GJA9: variants seen among roughly 807,000 people sequenced by gnomAD.
GJA9 encodes the protein gap junction alpha-9 protein.
In GJA9, 1 loss-of-function variant was observed where a neutral mutation model predicts 0.4. The ratio of observed to expected loss-of-function variants is 2.50; its 90% CI spans 0.89 to 11.88. The LOEUF (loss-of-function observed/expected upper bound fraction) is 11.88, where lower values mean the gene tolerates loss of function less well. GJA9 is among the 30% of genes most tolerant of loss of function. The probability of loss-of-function intolerance (pLI) is 0.12; values close to 1 mark genes in which losing one functional copy is unlikely to be tolerated. For missense variants in GJA9, 550 were observed against 602.8 expected (o/e 0.91, Z 0.92); for synonymous variants, 190 against 219.1 (o/e 0.87, Z 1.17).
Position 38,874,365 on chromosome 1 carries a change from C to A in GJA9, c.*186G>T. ...AAATCCTGATTTGACAACTCTATGT[C>A]TTTGAATTTAGAAGTGTTGCTTCAC... On this transcript the variant is annotated 3_prime_UTR_variant, in exon 2 of 2. Coordinates refer to ENST00000357771, the MANE Select transcript of GJA9 (RefSeq NM_030772.5). 1.8e-6 allele frequency: 1 copy of A among 542,522 alleles called. No individual in the cohort carries two copies. Among genetic ancestry groups the A allele is most frequent in the South Asian group, 2.7e-5 (1 of 37,338 alleles). The allele number at this position is 542,522 out of a possible 1,614,324, so 33.6% of individuals were successfully genotyped here.
At position 38,880,917 on chromosome 1, in the gene GJA9, G is replaced by A. The variant is rs543868546; in HGVS notation, c.-96+515C>T. 8.5e-4 allele frequency among the ~76,000 whole-genome samples: 129 copies of A among 152,196 alleles called. 2 individuals are homozygous for A. The highest frequency in any genetic ancestry group is 1.9e-3 in the South Asian group (9 of 4,820). The stretch of plus-strand genomic sequence containing the variant: ...ATAAAATAATAATACAAGAAAAACT[G>A]GTTAAATAATCGACTACATCCACGG... On this transcript the variant is annotated intron_variant, in intron 1 of 1. Transcript: ENST00000357771.
chr1:38,874,206 A>G lies in GJA9; in HGVS notation c.*345T>C, dbSNP rs1272269969. ...AACCCAGTGTCCAAGGTGGAATTGT[A>G]TAGATCAAGAACCATTTCCTAAGGC... On this transcript the variant is annotated 3_prime_UTR_variant, in exon 2 of 2. Coordinates refer to ENST00000357771, the MANE Select transcript of GJA9 (RefSeq NM_030772.5). The G allele has an allele frequency of 5.8e-6, 2 of 345,838 alleles. No individual in the cohort carries two copies. Among genetic ancestry groups the G allele is most frequent in the Non-Finnish European group, 1.1e-5 (2 of 181,844 alleles). The allele number at this position is 345,838 out of a possible 1,614,324, so 21.4% of individuals were successfully genotyped here.
Position 38,876,443 on chromosome 1 carries a change from T to A in GJA9, c.-95-250A>T, listed in dbSNP as rs1176214853. The A allele has an allele frequency of 4.9e-4, 95 of 195,698 alleles. No individual in the cohort carries two copies. In the Admixed American group the frequency reaches 5.2e-3, roughly 11 times the overall value. The allele number at this position is 195,698 out of a possible 1,614,324, so 12.1% of individuals were successfully genotyped here. On this transcript the variant is annotated intron_variant, in intron 1 of 1. Coordinates refer to ENST00000357771, the MANE Select transcript of GJA9 (RefSeq NM_030772.5). ...GGTGTGTGCAACTACACCCAGATAA[T>A]TTTTTTTATTTTTTTGTAGAGACAG...
rs552879261 is a variant in GJA9 at position 38,877,842 on chromosome 1, G to A, written c.-95-1649C>T. 3.9e-5 allele frequency among the ~76,000 whole-genome samples: 6 copies of A among 152,206 alleles called. No individual in the cohort carries two copies. In the South Asian group the frequency reaches 6.2e-4, roughly 16 times the overall value. On this transcript the variant is annotated intron_variant, in intron 1 of 1. Coordinates refer to ENST00000357771, the MANE Select transcript of GJA9 (RefSeq NM_030772.5). ...ATCTCATTTATACACATAGGAAAAC[G>A]AATATGCTTCATTTGATAATTCAGT...
At chr1:38,881,293 C>A in intron 1 of GJA9, 139 bp downstream of exon 1, 1 of 498,488 alleles carries the variant, frequency 2.0e-6, no homozygotes, top group East Asian at 3.2e-5. Context: ...TAGTATTTAG[C>A]TACAAATTAA....
Position 38,875,203 on chromosome 1 carries a change from C to G in GJA9, c.896G>C (p.Ser299Thr). The G allele has an allele frequency of 6.2e-7, 1 of 1,614,106 alleles. No individual in the cohort carries two copies. The highest frequency in any genetic ancestry group is 8.5e-7 in the Non-Finnish European group (1 of 1,180,000). The change falls in exon 2 of 2, where the codon AGT (serine) becomes ACT (threonine). Residue 299 changes from serine to threonine, a missense_variant. Physicochemically the swap from Ser to Thr is moderately conservative, Grantham distance 58 (BLOSUM62 1). Coordinates refer to ENST00000357771, the MANE Select transcript of GJA9 (RefSeq NM_030772.5). ...EKQTHTAVYP[S>T]LNSSSVFQPN... ...CTGGAATACAGAAGATGAATTTAAA[C>G]TAGGGTACACTGCAGTGTGTGTTTG...
intron 1 of GJA9, among the ~76,000 whole-genome samples, chr1:38,879,382 A>G (rs2124282871): frequency 6.6e-6 from 1 of 152,318 alleles, no homozygotes; most frequent in Middle Eastern, 3.4e-3. Context: ...AAGATACAAG[A>G]TGTGTTCATC....
rs151170314 is a variant in GJA9, at chr1:38,879,517, T to C, written c.-96+1915A>G. ...CATTCAAACCCAATCATTGTGGCTT[T>C]AGAGTCAGCTCCTTAAATTTTTTAC... On this transcript the variant is annotated intron_variant, in intron 1 of 1. Transcript: ENST00000357771. Among the ~76,000 whole-genome samples, 415 of 152,352 alleles carry C rather than the reference T, an allele frequency of 2.7e-3. 2 individuals are homozygous for C. The highest frequency in any genetic ancestry group is 9.2e-3 in the African/African-American group (383 of 41,582).
chr1:38,878,730 C>CT (rs1240029430), intron 1 of GJA9, among the ~76,000 whole-genome samples: 18,002 of 103,422 alleles, frequency 0.17, 2,356 homozygotes, highest in Non-Finnish European at 0.21. Flanking sequence ...GTACCAGAAT[C>CT]TTTTTTTTTT....
chr1:38,874,457 T>C lies in GJA9; in HGVS notation c.*94A>G. ...TGCAGTTGTCTGTCTTAACAGCTGG[T>C]CTTTAGAGCTGCCCCTATCTATTTT... On this transcript the variant is annotated 3_prime_UTR_variant, in exon 2 of 2. Transcript: ENST00000357771. 1 of 901,912 alleles carries C rather than the reference T, an allele frequency of 1.1e-6. No homozygotes were observed. The highest frequency in any genetic ancestry group is 1.7e-6 in the Non-Finnish European group (1 of 580,856). 55.9% of individuals were successfully genotyped at this position (901,912 alleles called of 1,614,324 possible).
At position 38,874,433 on chromosome 1, in the gene GJA9, G is replaced by T; in HGVS notation, c.*118C>A. The T allele has an allele frequency of 1.5e-6, 1 of 689,024 alleles. No individual in the cohort carries two copies. The highest frequency in any genetic ancestry group is 2.5e-6 in the Non-Finnish European group (1 of 407,580). 42.7% of individuals were successfully genotyped at this position (689,024 alleles called of 1,614,324 possible). A position where few individuals can be genotyped will look rare whatever the true frequency, so the allele number is the denominator to read the frequency against. ...GTTTTTCTCTTGCTTAAATGAGTTT[G>T]CAGTTGTCTGTCTTAACAGCTGGTC... On this transcript the variant is annotated 3_prime_UTR_variant, in exon 2 of 2. Coordinates refer to ENST00000357771, the MANE Select transcript of GJA9 (RefSeq NM_030772.5).
Position 38,875,220 on chromosome 1 carries a change from G to C in GJA9, c.879C>G (p.His293Gln), listed in dbSNP as rs1340428726. The C allele has an allele frequency of 6.2e-7, 1 of 1,614,046 alleles. No homozygotes were observed. The highest frequency in any genetic ancestry group is 1.3e-5 in the African/African-American group (1 of 74,940). Residue 293 changes from histidine (H) to glutamine (Q), a missense_variant, in exon 2 of 2, where the codon CAC (histidine) becomes CAG (glutamine). Coordinates refer to ENST00000357771, the MANE Select transcript of GJA9 (RefSeq NM_030772.5). Reference sequence around the variant, plus strand: ...AATTTAAACTAGGGTACACTGCAGTGTGTGTTTGCTTTTCCACTAACAGAT... The same window carrying C: ...AATTTAAACTAGGGTACACTGCAGTCTGTGTTTGCTTTTCCACTAACAGAT... ...DYNLLVEKQT[H>Q]TAVYPSLNSS... is the part of the protein sequence containing the mutation.
At chr1:38,877,557 C>T (rs574233023) in intron 1 of GJA9, among the ~76,000 whole-genome samples, 79 of 151,810 alleles carry the variant, frequency 5.2e-4, no homozygotes, top group Non-Finnish European at 9.6e-4. Flanking sequence ...AGTGCAGTGG[C>T]GCAATCTCGG....
At position 38,874,865 on chromosome 1, in the gene GJA9, G is replaced by A; in HGVS notation, c.1234C>T (p.Pro412Ser). The A allele has an allele frequency of 6.2e-7, 1 of 1,614,190 alleles. No homozygotes were observed. Among genetic ancestry groups the A allele is most frequent in the East Asian group, 2.2e-5 (1 of 44,892 alleles). The change falls in exon 2 of 2, where the codon CCA (proline) becomes TCA (serine). Residue 412 changes from proline to serine, a missense_variant. By Grantham distance (74) the Pro-to-Ser change is moderately conservative (BLOSUM62 -1). Coordinates refer to ENST00000357771, the MANE Select transcript of GJA9 (RefSeq NM_030772.5). ...RQSPQTVFSLPANCDWKPRWL... is the reference protein window; with the variant it reads ...RQSPQTVFSLSANCDWKPRWL... ...CGCGGTTTCCAATCGCAGTTAGCTG[G>A]CAAGGAGAAAACTGTTTGGGGTGAC...
At position 38,875,901 on chromosome 1, in the gene GJA9, G is replaced by A. The variant is rs201757000; in HGVS notation, c.198C>T (p.Tyr66=). The change falls in exon 2 of 2, where the codon TAC becomes TAT. Residue 66 remains tyrosine (Y), a synonymous_variant. Coordinates refer to ENST00000357771, the MANE Select transcript of GJA9 (RefSeq NM_030772.5). The stretch of plus-strand genomic sequence containing the variant: ...TGAGGGAGATAGGAAAGGCCTGGTC[G>A]TAGCATACATTTCTGCAGCCTGGTT... ...TEQPGCRNVC[Y]DQAFPISLIR... is the part of the protein sequence containing the mutation. 4.8e-4 allele frequency: 779 copies of A among 1,614,198 alleles called. 1 individual carries two copies. The highest frequency in any genetic ancestry group is 5.9e-4 in the Non-Finnish European group (694 of 1,180,034).
At chr1:38,877,162 C>A (rs1215463688) in intron 1 of GJA9, among the ~76,000 whole-genome samples, 2 of 151,422 alleles carry the variant, frequency 1.3e-5, no homozygotes, top group Non-Finnish European at 1.5e-5. Flanking sequence ...GCCTCAGCCT[C>A]CTGAGTAGCT....
chr1:38,880,416 T>TA (rs1642674767), intron 1 of GJA9, among the ~76,000 whole-genome samples: 2 of 31,272 alleles, frequency 6.4e-5, no homozygotes, highest in Admixed American at 3.4e-4. Flanking sequence ...AAAAAATAAA[T>TA]AATAATAATA....
At position 38,875,244 on chromosome 1, in the gene GJA9, A is replaced by T. The variant is rs1301662413; in HGVS notation, c.855T>A (p.Asn285Lys). ...LKRLPSAPDY[N>K]LLVEKQTHTA... ...TGTGTGTTTGCTTTTCCACTAACAG[A>T]TTATAATCAGGGGCAGAAGGGAGTC... Residue 285 changes from asparagine to lysine, a missense_variant, in exon 2 of 2, where the codon AAT (asparagine) becomes AAA (lysine). Physicochemically the swap from Asn to Lys is moderately conservative, Grantham distance 94. Coordinates refer to ENST00000357771, the MANE Select transcript of GJA9 (RefSeq NM_030772.5). 1 of 1,614,040 alleles carries T rather than the reference A, an allele frequency of 6.2e-7. No homozygotes were observed. Among genetic ancestry groups the T allele is most frequent in the East Asian group, 2.2e-5 (1 of 44,884 alleles).
rs1390019167 is a variant in GJA9, at chr1:38,874,099, A to G, written c.*452T>C. 20 of 360,802 alleles carry G rather than the reference A, an allele frequency of 5.5e-5. No homozygotes were observed. Among genetic ancestry groups the G allele is most frequent in the Middle Eastern group, 9.8e-4 (1 of 1,024 alleles). 22.4% of individuals were successfully genotyped at this position (360,802 alleles called of 1,614,324 possible). A position where few individuals can be genotyped will look rare whatever the true frequency, so the allele number is the denominator to read the frequency against. On this transcript the variant is annotated 3_prime_UTR_variant, in exon 2 of 2. Coordinates refer to ENST00000357771, the MANE Select transcript of GJA9 (RefSeq NM_030772.5). ...TTAAGATTTTATTTACTAGGTAGCAACATGTGATTATACTCAAGACACATC... is the reference window on the plus strand; with the variant it reads ...TTAAGATTTTATTTACTAGGTAGCAGCATGTGATTATACTCAAGACACATC...
Sources: allele counts gnomAD v4.1 joint callset (sites outside exome capture counted in the v4.1 genomes callset), GRCh38; gene constraint gnomAD v4.1.1; transcripts MANE v1.5; gene names NCBI Gene and HGNC (gene_info 2026-07-23, HGNC 2026-07-21).